The following NLGN1 variants were observed in gnomAD, a reference collection of about 807,000 sequenced individuals.
The protein encoded by NLGN1 is neuroligin-1.
In NLGN1, 12 loss-of-function variants were observed where a neutral mutation model predicts 65.5. That is an observed-to-expected ratio of 0.18 (90% CI 0.12 to 0.30). The LOEUF is 0.30. Among genes scored for constraint, NLGN1 ranks in the 10% least tolerant of loss-of-function variants. NLGN1 has a pLI of 1.00. For synonymous variants in NLGN1, 350 were observed against 359.5 expected (o/e 0.97, Z 0.30); for missense variants, 750 against 1,007.1 (o/e 0.74, Z 3.46).
At chr3:173,913,386 A>G (rs547549354) in intron 4 of NLGN1, among the ~76,000 whole-genome samples, 1 of 152,302 alleles carries the variant, frequency 6.6e-6, no homozygotes, top group African/African-American at 2.4e-5. Flanking sequence ...TCTTTTCCAT[A>G]GGATTAGAAG....
At chr3:174,014,636 T>C (rs1726189104) in intron 4 of NLGN1, among the ~76,000 whole-genome samples, 1 of 152,210 alleles carries the variant, frequency 6.6e-6, no homozygotes, top group Non-Finnish European at 1.5e-5. Flanking sequence ...ATGCCTCATC[T>C]CTTTCCTTGA....
chr3:173,836,532 C>T (rs924395708), intron 4 of NLGN1, among the ~76,000 whole-genome samples: 1 of 152,048 alleles, frequency 6.6e-6, no homozygotes, highest in Non-Finnish European at 1.5e-5. Context: ...TATGCTCTCA[C>T]CAATAAAACA....
At chr3:173,842,960 C>T (rs1725058412) in intron 4 of NLGN1, among the ~76,000 whole-genome samples, 1 of 152,218 alleles carries the variant, frequency 6.6e-6, no homozygotes, top group Non-Finnish European at 1.5e-5. Context: ...GAGAGCCGTG[C>T]CCCTGCAGCA....
At chr3:174,266,643 T>C (rs1748301836) in intron 4 of NLGN1, among the ~76,000 whole-genome samples, 1 of 152,208 alleles carries the variant, frequency 6.6e-6, no homozygotes, top group African/African-American at 2.4e-5. Flanking sequence ...AACTGCTTTC[T>C]ACAGTAGCTG....
chr3:173,907,550 G>T (rs1322447400), intron 4 of NLGN1, among the ~76,000 whole-genome samples: 1 of 151,464 alleles, frequency 6.6e-6, no homozygotes, highest in East Asian at 1.9e-4. Flanking sequence ...TCCAGGAGAA[G>T]GCGTATCTTA....
chr3:173,485,777 T>C lies in NLGN1; in HGVS notation c.-321+50699T>C, dbSNP rs149829153. Among the ~76,000 whole-genome samples the C allele has an allele frequency of 1.9e-3, 296 of 152,354 alleles. 1 individual carries two copies. Among genetic ancestry groups the C allele is most frequent in the African/African-American group, 7.1e-3 (294 of 41,590 alleles). On this transcript the variant is annotated intron_variant, in intron 2 of 6. Transcript: ENST00000457714. ...TATATATTTACATAGAATCCCGTAA[T>C]ACTTTTTTGCAGATACTTTTTCCTA...
At chr3:173,810,534 T>G (rs1365572288) in intron 4 of NLGN1, among the ~76,000 whole-genome samples, 2 of 152,216 alleles carry the variant, frequency 1.3e-5, no homozygotes, top group Admixed American at 6.5e-5. Flanking sequence ...TTGAGGCGAC[T>G]GGTTGGAACA....
chr3:173,883,300 G>C (rs1422455470), intron 4 of NLGN1, among the ~76,000 whole-genome samples: 1 of 152,144 alleles, frequency 6.6e-6, no homozygotes, highest in Non-Finnish European at 1.5e-5. Context: ...GAGAGATAAG[G>C]GAATGGCCAG....
chr3:174,100,586 T>C (rs992640797), intron 4 of NLGN1, among the ~76,000 whole-genome samples: 5 of 152,070 alleles, frequency 3.3e-5, no homozygotes, highest in Admixed American at 6.6e-5. Context: ...TCACTTCACA[T>C]GCTGGCTTCC....
intron 4 of NLGN1, among the ~76,000 whole-genome samples, chr3:173,979,133 G>A (rs1249612816): frequency 6.6e-6 from 1 of 151,982 alleles, no homozygotes; most frequent in Non-Finnish European, 1.5e-5. Context: ...GTGGGAAGGG[G>A]GATTAAGTCA....
intron 4 of NLGN1, among the ~76,000 whole-genome samples, chr3:174,042,035 C>T (rs1003886722): frequency 6.6e-6 from 1 of 151,748 alleles, no homozygotes; most frequent in African/African-American, 2.4e-5. Flanking sequence ...GTCTGGGTGA[C>T]AGAGTGAGAG....
At chr3:173,704,846 C>T (rs1178049250) in intron 3 of NLGN1, among the ~76,000 whole-genome samples, 4 of 152,130 alleles carry the variant, frequency 2.6e-5, no homozygotes, top group African/African-American at 9.7e-5. Flanking sequence ...TCCTATTTGT[C>T]TACTGTTCTG....
At chr3:173,763,681 ACTC>A (rs1778343040) in intron 3 of NLGN1, among the ~76,000 whole-genome samples, 1 of 151,928 alleles carries the variant, frequency 6.6e-6, no homozygotes. Flanking sequence ...TCTCCAGCAA[ACTC>A]CTGTTTTCTA....
intron 3 of NLGN1, among the ~76,000 whole-genome samples, chr3:173,685,498 C>T (rs1472314178): frequency 6.6e-6 from 1 of 152,088 alleles, no homozygotes; most frequent in Non-Finnish European, 1.5e-5. Context: ...ATTTTCGAGG[C>T]CTTAAGTTAA....
chr3:173,802,001 A>G (rs1715543825), intron 3 of NLGN1, among the ~76,000 whole-genome samples: 1 of 152,132 alleles, frequency 6.6e-6, no homozygotes, highest in African/African-American at 2.4e-5. Flanking sequence ...AACTCCTAGA[A>G]TTTGTTATCT....
At chr3:174,066,105 G>T (rs1738490440) in intron 4 of NLGN1, among the ~76,000 whole-genome samples, 1 of 152,126 alleles carries the variant, frequency 6.6e-6, no homozygotes, top group Non-Finnish European at 1.5e-5. Context: ...ATAACTTAAT[G>T]ACATTTCTGA....
At chr3:174,182,938 A>G (rs1730717344) in intron 4 of NLGN1, among the ~76,000 whole-genome samples, 1 of 152,176 alleles carries the variant, frequency 6.6e-6, no homozygotes, top group African/African-American at 2.4e-5. Flanking sequence ...TCTTTCTAAA[A>G]TACAAAACCG....
chr3:173,603,384 A>G (rs1750865101), intron 2 of NLGN1, among the ~76,000 whole-genome samples: 1 of 152,096 alleles, frequency 6.6e-6, no homozygotes, highest in South Asian at 2.1e-4. Context: ...AATATGCAAG[A>G]TGCTGTGATT....
intron 2 of NLGN1, among the ~76,000 whole-genome samples, chr3:173,516,837 T>C (rs963063186): frequency 6.6e-6 from 1 of 152,070 alleles, no homozygotes; most frequent in Non-Finnish European, 1.5e-5. Context: ...AGCCAATAAA[T>C]TACTGAGTAT....
Sources: allele counts gnomAD v4.1 joint callset (sites outside exome capture counted in the v4.1 genomes callset), GRCh38; gene constraint gnomAD v4.1.1; transcripts MANE v1.5; gene names NCBI Gene and HGNC (gene_info 2026-07-23, HGNC 2026-07-21).